Variants in MAF observed in about 807,000 individuals in gnomAD.
MAF encodes transcription factor Maf.
A neutral mutation model predicts 22.0 loss-of-function variants in MAF; 10 were observed. The observed-to-expected ratio is 0.45, with a 90% confidence interval of 0.28 to 0.77. The LOEUF (loss-of-function observed/expected upper bound fraction) is 0.77, where lower values mean the gene tolerates loss of function less well. Among genes scored for constraint, MAF ranks in the 30% least tolerant of loss-of-function variants. The pLI is 0.12. For missense variants in MAF, 544 were observed against 548.4 expected, an observed-to-expected ratio of 0.99 and a Z score of 0.08; for synonymous variants, 337 against 255.8, an observed-to-expected ratio of 1.32 and a Z score of -3.03.
rs774288860 is a variant in MAF, at chr16:79,599,574, G to A, written c.329C>T (p.Pro110Leu). Residue 110 changes from proline to leucine, a missense_variant, in exon 1 of 2, where the codon CCC becomes CTC. Around this residue, in one of 5 missense-constraint regions of MAF, gnomAD observed 342 missense variants for 315.5 expected, o/e 1.08. Coordinates refer to ENST00000326043, the MANE Select transcript of MAF (RefSeq NM_005360.5). The stretch of plus-strand genomic sequence containing the variant: ...GATGAGCGCCTCGACCGCGTCCTCG[G>A]GGCTGAAGCCCAGCGCCTCGGGGTT... ...QLNPEALGFSPEDAVEALISN... is the reference protein window; with the variant it reads ...QLNPEALGFSLEDAVEALISN... The A allele has an allele frequency of 6.2e-7, 1 of 1,601,522 alleles. No homozygotes were observed. Among genetic ancestry groups the A allele is most frequent in the Non-Finnish European group, 8.5e-7 (1 of 1,174,934 alleles).
the MAF span, among the ~76,000 whole-genome samples, chr16:79,511,792 G>C: frequency 1.3e-5 from 2 of 152,168 alleles, no homozygotes; most frequent in Non-Finnish European, 2.9e-5. Flanking sequence ...AACTTGCCCA[G>C]GGTCACACAT....
the MAF span, among the ~76,000 whole-genome samples, chr16:79,483,584 T>A: frequency 6.6e-6 from 1 of 151,902 alleles, no homozygotes; most frequent in African/African-American, 2.4e-5. Flanking sequence ...TGAAGCTTCT[T>A]TGAGGAAGTG....
At chr16:79,252,950 TG>T in the MAF span, among the ~76,000 whole-genome samples, 1 of 152,228 alleles carries the variant, frequency 6.6e-6, no homozygotes, top group Non-Finnish European at 1.5e-5. Context: ...TCCATTTTTC[TG>T]TGAACGTAAA....
At chr16:79,494,905 A>T in the MAF span, among the ~76,000 whole-genome samples, 1 of 152,080 alleles carries the variant, frequency 6.6e-6, no homozygotes, top group Non-Finnish European at 1.5e-5. Context: ...GCCTCACAAA[A>T]AGTCAGAGAA....
the MAF span, among the ~76,000 whole-genome samples, chr16:79,553,719 A>G: frequency 2.0e-5 from 3 of 152,226 alleles, no homozygotes. Flanking sequence ...CTAGCATGGC[A>G]GAAAAACATC....
At chr16:79,448,098 C>T in the MAF span, among the ~76,000 whole-genome samples, 1 of 152,094 alleles carries the variant, frequency 6.6e-6, no homozygotes, top group South Asian at 2.1e-4. Context: ...GTTGATAAAG[C>T]AGCAGCAGCG....
At chr16:79,290,376 A>G in the MAF span, among the ~76,000 whole-genome samples, 3 of 152,188 alleles carry the variant, frequency 2.0e-5, no homozygotes, top group Non-Finnish European at 4.4e-5. Flanking sequence ...GACTAGTTAC[A>G]TGGGTCATCG....
the MAF span, among the ~76,000 whole-genome samples, chr16:79,513,237 G>A: frequency 6.6e-6 from 1 of 152,254 alleles, no homozygotes; most frequent in Admixed American, 6.5e-5. Context: ...CAGTAGCTTA[G>A]AGGCAGCCTG....
chr16:79,577,721 T>G, the MAF span, among the ~76,000 whole-genome samples: 9 of 152,342 alleles, frequency 5.9e-5, no homozygotes, highest in East Asian at 1.7e-3. Context: ...AAAATCTGAC[T>G]TTCATAATAG....
chr16:79,326,704 T>C, the MAF span, among the ~76,000 whole-genome samples: 6 of 152,344 alleles, frequency 3.9e-5, no homozygotes, highest in Admixed American at 3.3e-4. Flanking sequence ...AGTATGTAAA[T>C]GCAGGAGCAT....
the MAF span, among the ~76,000 whole-genome samples, chr16:79,273,739 TA>T: frequency 2.0e-5 from 3 of 152,304 alleles, no homozygotes; most frequent in Admixed American, 2.0e-4. Context: ...CCCACCCAGA[TA>T]GTCCAGGGTA....
the MAF span, chr16:79,204,858 G>T: frequency 6.6e-6 from 1 of 152,142 alleles, no homozygotes; most frequent in Non-Finnish European, 1.5e-5. Flanking sequence ...CTCCAGGCTC[G>T]TTCCTGCAAA....
At chr16:79,289,960 G>A in the MAF span, among the ~76,000 whole-genome samples, 1 of 147,502 alleles carries the variant, frequency 6.8e-6, no homozygotes, top group Non-Finnish European at 1.5e-5. Context: ...GGATTCAAGC[G>A]ATTCTCCTGC....
At chr16:79,372,066 ATTTTTTTTTT>A in the MAF span, among the ~76,000 whole-genome samples, 19 of 132,440 alleles carry the variant, frequency 1.4e-4, no homozygotes, top group African/African-American at 5.0e-4. Flanking sequence ...AGGGAGAGGA[ATTTTTTTTTT>A]TTTTTTTTTT....
chr16:79,359,909 C>T, the MAF span, among the ~76,000 whole-genome samples: 1,085 of 152,216 alleles, frequency 7.1e-3, 9 homozygotes, highest in African/African-American at 0.025. Context: ...AAGAGAAGGC[C>T]ATGGGATATT....
At chr16:79,564,995 G>C in the MAF span, among the ~76,000 whole-genome samples, 1 of 152,156 alleles carries the variant, frequency 6.6e-6, no homozygotes, top group Non-Finnish European at 1.5e-5. Context: ...TCTGAAGCTT[G>C]AGAATGGTGG....
chr16:79,527,343 A>G, the MAF span, among the ~76,000 whole-genome samples: 1 of 152,274 alleles, frequency 6.6e-6, no homozygotes, highest in African/African-American at 2.4e-5. Context: ...AATAACCTCA[A>G]AAAGAAAGCA....
chr16:79,346,587 G>T, the MAF span, among the ~76,000 whole-genome samples: 1 of 152,182 alleles, frequency 6.6e-6, no homozygotes, highest in Admixed American at 6.5e-5. Context: ...ATAGAAGAAG[G>T]ATTTTGAAGG....
the MAF span, among the ~76,000 whole-genome samples, chr16:79,541,236 C>T: frequency 1.3e-5 from 2 of 152,214 alleles, no homozygotes; most frequent in African/African-American, 4.8e-5. Flanking sequence ...CCACCTCATG[C>T]GTTTACAGCA....
Sources: allele counts gnomAD v4.1 joint callset (sites outside exome capture counted in the v4.1 genomes callset), GRCh38; gene constraint gnomAD v4.1.1; regional missense constraint gnomAD v4.1.1; transcripts MANE v1.5; gene names NCBI Gene and HGNC (gene_info 2026-07-23, HGNC 2026-07-21).